LRRC56: variants seen among roughly 807,000 people sequenced by gnomAD.
LRRC56 encodes the protein leucine rich repeat containing 56, also known as leucine-rich repeat-containing protein 56.
A neutral mutation model predicts 47.8 loss-of-function variants in LRRC56; 41 were observed. That is an observed-to-expected ratio of 0.86 (90% CI 0.67 to 1.11). The LOEUF (loss-of-function observed/expected upper bound fraction) is 1.11. Ranked by LOEUF, LRRC56 falls within the 50% of genes most tolerant of loss-of-function variation. The pLI is 0.00. For missense variants in LRRC56, 759 were observed against 704.2 expected (o/e 1.08, Z -0.88); for synonymous variants, 387 against 311.2 (o/e 1.24, Z -2.56).
the LRRC56 span, among the ~76,000 whole-genome samples, chr11:524,498 G>A: frequency 1.3e-5 from 2 of 152,046 alleles, no homozygotes; most frequent in Admixed American, 6.6e-5. Context: ...AGGCATGGTC[G>A]CAGGTGCCTG....
rs528290062 is a variant in LRRC56 at position 551,404 on chromosome 11, C to T, written c.796+102C>T. 164 of 886,848 alleles carry T rather than the reference C, an allele frequency of 1.8e-4. No individual in the cohort carries two copies. The African/African-American group carries it at 2.5e-3, about 14-fold the overall frequency. The allele number at this position is 886,848 out of a possible 1,614,324, so 54.9% of individuals were successfully genotyped here. A position where few individuals can be genotyped will look rare whatever the true frequency, so the allele number is the denominator to read the frequency against. ...CAGAAACGGATAGCCACATCTCATGCGCTTCTCCAGCCTTGACCCCGGTCC... is the reference window on the plus strand; with the variant it reads ...CAGAAACGGATAGCCACATCTCATGTGCTTCTCCAGCCTTGACCCCGGTCC... On this transcript the variant is annotated intron_variant, in intron 9 of 13. Coordinates refer to ENST00000270115, the MANE Select transcript of LRRC56 (RefSeq NM_198075.4).
At chr11:537,962 A>T (rs1212334995) in intron 1 of LRRC56, among the ~76,000 whole-genome samples, 4 of 152,302 alleles carry the variant, frequency 2.6e-5, no homozygotes, top group South Asian at 4.1e-4. Flanking sequence ...CAGGGGACCC[A>T]GAGGTGATGG....
chr11:553,988 C>T lies in LRRC56; in HGVS notation c.1341C>T (p.His447=), dbSNP rs1852602988. ...ASEPSGTSSQ[H]LVPSPPKHPR... is the part of the protein sequence containing the mutation. ...AGCCCTCCGGGACCTCGAGCCAGCA[C>T]CTGGTCCCTTCACCTCCCAAGCACC... Residue 447 remains histidine (H), a synonymous_variant, in exon 14 of 14, where the codon CAC becomes CAT. Transcript: ENST00000270115. 1 of 1,612,284 alleles carries T rather than the reference C, an allele frequency of 6.2e-7. No homozygotes were observed. The highest frequency in any genetic ancestry group is 8.5e-7 in the Non-Finnish European group (1 of 1,179,734).
At position 541,672 on chromosome 11, in the gene LRRC56, C is replaced by T. The variant is rs1424318167; in HGVS notation, c.265+48C>T. 3 of 1,185,290 alleles carry T rather than the reference C, an allele frequency of 2.5e-6. No individual in the cohort carries two copies. The highest frequency in any genetic ancestry group is 3.1e-5 in the African/African-American group (2 of 64,178). The allele number at this position is 1,185,290 out of a possible 1,614,324, so 73.4% of individuals were successfully genotyped here. Reference sequence around the variant, plus strand: ...ATGGCCACGGCCACGGCCACGCCTCCCTGTAAACAACACACGTTTCCTGGT... The same window carrying T: ...ATGGCCACGGCCACGGCCACGCCTCTCTGTAAACAACACACGTTTCCTGGT... On this transcript the variant is annotated intron_variant, in intron 5 of 13. Transcript: ENST00000270115. This position sits in a 1 kb window ranked among gnomAD's most constrained non-coding sequence, Gnocchi z 4.1.
At chr11:551,866 G>A (rs372867899) in intron 10 of LRRC56, 37 bp from the exon 11 acceptor site, 20 of 1,609,822 alleles carry the variant, frequency 1.2e-5, no homozygotes, top group African/African-American at 1.2e-4. Context: ...GCAGCCCCTC[G>A]GCCCCGAACC....
At chr11:512,947 C>A in the LRRC56 span, among the ~76,000 whole-genome samples, 2 of 152,144 alleles carry the variant, frequency 1.3e-5, no homozygotes, top group African/African-American at 4.8e-5. Context: ...ATGGCAATGA[C>A]CCCACGACCC....
the LRRC56 span, chr11:532,277 G>A: frequency 2.2e-6 from 1 of 456,784 alleles, no homozygotes; most frequent in Non-Finnish European, 4.1e-6. Context: ...GATCCCATCT[G>A]TGCCCGACAA....
rs369262998 is a variant in LRRC56, at chr11:553,338, TGCA to T, written c.1316-623_1316-621del. Among the ~76,000 whole-genome samples the T allele has an allele frequency of 5.3e-5, 8 of 152,054 alleles. No individual in the cohort carries two copies. In the East Asian group the frequency reaches 1.5e-3, roughly 29 times the overall value. On this transcript the variant is annotated intron_variant, in intron 13 of 13. Transcript: ENST00000270115. ...ACGGTGGGCAGCTGACCCTCCTCTG[TGCA>T]GGAGCCTGGTTAAGGGGGCTGGGAT...
At chr11:544,676 G>A (rs779154242) in intron 5 of LRRC56, 44 bp from the exon 6 acceptor site, 28 of 1,598,942 alleles carry the variant, frequency 1.8e-5, no homozygotes, top group African/African-American at 5.4e-5. Flanking sequence ...AGAGGTGGGC[G>A]GGGTGAGGGG....
At chr11:532,358 C>G in the LRRC56 span, 1 of 563,556 alleles carries the variant, frequency 1.8e-6, no homozygotes, top group Non-Finnish European at 3.2e-6. Flanking sequence ...TCAAGACAGT[C>G]TGTGCACAGC....
chr11:554,871 T>A lies in LRRC56; in HGVS notation c.*595T>A. ...GCTCTCAGGTGTACAGAAATGCGGT[T>A]TACTTTGTAGGCCACGTTGGTTCAA... On this transcript the variant is annotated 3_prime_UTR_variant, in exon 14 of 14. Transcript: ENST00000270115. 1.3e-6 allele frequency: 1 copy of A among 769,814 alleles called. No homozygotes were observed. The highest frequency in any genetic ancestry group is 1.9e-6 in the Non-Finnish European group (1 of 517,456). 47.7% of individuals were successfully genotyped at this position (769,814 alleles called of 1,614,324 possible).
upstream of LRRC56, chr11:533,159 G>A (rs1209425410): frequency 2.1e-6 from 2 of 932,706 alleles, no homozygotes; most frequent in Non-Finnish European, 1.6e-6. Flanking sequence ...CTGGCTCAGG[G>A]CAGCTCTCCC....
At chr11:532,646 A>G (rs1851173673), upstream of LRRC56, 1 of 1,612,092 alleles carries the variant, frequency 6.2e-7, no homozygotes, top group Non-Finnish European at 8.5e-7. Context: ...TCAGGAGAGC[A>G]CACACTTGCA....
At chr11:514,803 G>A in the LRRC56 span, among the ~76,000 whole-genome samples, 5 of 152,222 alleles carry the variant, frequency 3.3e-5, no homozygotes, top group East Asian at 3.9e-4. Flanking sequence ...GCTTTATTGC[G>A]ACATTTGTGT....
rs1852366693 is a variant in LRRC56, at chr11:551,211, A to G, written c.705A>G (p.Ala235=). 3.2e-6 allele frequency: 5 copies of G among 1,545,806 alleles called. No individual in the cohort carries two copies. Among genetic ancestry groups the G allele is most frequent in the Non-Finnish European group, 4.4e-6 (5 of 1,144,376 alleles). The change falls in exon 9 of 14, where the codon GCA becomes GCG. Residue 235 remains alanine, a synonymous_variant. Transcript: ENST00000270115. ...QLQVLDEVPA[A]HTGPPAPPRL... ...AGGTCCTGGACGAAGTGCCGGCCGCACACACAGGCCCACCGGCCCCCCCGC... is the reference window on the plus strand; with the variant it reads ...AGGTCCTGGACGAAGTGCCGGCCGCGCACACAGGCCCACCGGCCCCCCCGC...
the LRRC56 span, among the ~76,000 whole-genome samples, chr11:519,251 A>T: frequency 1.3e-5 from 2 of 150,134 alleles, no homozygotes; most frequent in Non-Finnish European, 3.0e-5. Flanking sequence ...GGCCTGATAC[A>T]CAGGTGAGCT....
chr11:545,466 T>C (rs899062035), intron 6 of LRRC56, among the ~76,000 whole-genome samples: 6 of 149,648 alleles, frequency 4.0e-5, no homozygotes, highest in Non-Finnish European at 5.9e-5. Flanking sequence ...CGGCAGCCCC[T>C]GGGAGAGGCA....
chr11:525,341 C>T, the LRRC56 span, among the ~76,000 whole-genome samples: 100 of 152,080 alleles, frequency 6.6e-4, no homozygotes, highest in Non-Finnish European at 8.5e-4. Context: ...AGATCGAGAC[C>T]ATCCTGGCTA....
At chr11:551,353 G>A (rs1362159544) in intron 9 of LRRC56, 51 bp downstream of exon 9, 17 of 1,257,484 alleles carry the variant, frequency 1.4e-5, no homozygotes, top group East Asian at 2.6e-5. Flanking sequence ...GCTCCCCCCA[G>A]GAAGAGGCCC....
Sources: gnomAD v4.1 joint callset for allele counts (sites outside exome capture counted in the v4.1 genomes callset) on GRCh38, gnomAD v4.1.1 for gene constraint, Gnocchi (gnomAD v3.1) non-coding constraint, MANE v1.5 for transcripts, NCBI Gene and HGNC (gene_info 2026-07-23, HGNC 2026-07-21) for gene names.